The following FLG variants were observed in gnomAD, a reference collection of about 807,000 sequenced individuals.
FLG encodes the protein filaggrin.
FLG carries 6 observed loss-of-function variants against 3.8 expected under a neutral mutation model. That is an observed-to-expected ratio of 1.60 (90% confidence interval 0.87 to 3.15). FLG has a LOEUF of 3.15. FLG is among the 30% of genes most tolerant of loss of function. FLG has a pLI of 0.00. For missense variants in FLG, 7,595 were observed against 5,050.9 expected (o/e 1.50, Z -15.27); for synonymous variants, 2,551 against 1,931.6 (o/e 1.32, Z -8.41).
rs779648267 is a variant in FLG, at chr1:152,308,472, A to G, written c.6414T>C (p.Ile2138=). The change falls in exon 3 of 3, where the codon ATT becomes ATC. Residue 2138 remains isoleucine (I), a synonymous_variant. Coordinates refer to ENST00000368799, the MANE Select transcript of FLG (RefSeq NM_002016.2). ...CTCTGCTTGGCCCCGGGTGTCCACG[A>G]ATGGTGTCCTGACCCTCTTGGGATG... ...HSASQEGQDT[I]RGHPGPSRGG... The G allele has an allele frequency of 3.1e-5, 50 of 1,613,122 alleles. No homozygotes were observed. The highest frequency in any genetic ancestry group is 4.2e-5 in the Non-Finnish European group (50 of 1,179,542).
Position 152,312,777 on chromosome 1 carries a change from A to C in FLG, c.2109T>G (p.Ser703Arg). 1 of 1,613,852 alleles carries C rather than the reference A, an allele frequency of 6.2e-7. No homozygotes were observed. The highest frequency in any genetic ancestry group is 1.1e-5 in the South Asian group (1 of 91,058). ...GGCGGGATCCATGTCTTTCTCCTGC[A>C]CTTGATCTTGCCTGTTCATGGGATG... The part of the protein sequence containing the change: ...AASSHEQARS[S>R]AGERHGSRHQ... The change falls in exon 3 of 3, where the codon AGT becomes AGG. Residue 703 changes from serine to arginine, a missense_variant. Ser to Arg is a moderately radical substitution (Grantham distance 110, BLOSUM62 -1). Transcript: ENST00000368799.
At position 152,314,374 on chromosome 1, in the gene FLG, T is replaced by C. The variant is rs1186667996; in HGVS notation, c.512A>G (p.Glu171Gly). 1 of 1,612,726 alleles carries C rather than the reference T, an allele frequency of 6.2e-7. No individual in the cohort carries two copies. Among genetic ancestry groups the C allele is most frequent in the Admixed American group, 1.7e-5 (1 of 59,980 alleles). Residue 171 changes from glutamate (E) to glycine (G), a missense_variant, in exon 3 of 3, where the codon GAA becomes GGA. By Grantham distance (98) the Glu-to-Gly change is moderately conservative. Coordinates refer to ENST00000368799, the MANE Select transcript of FLG (RefSeq NM_002016.2). ...RKGYSPTHREEEYGKNHHNSS... is the reference protein window; with the variant it reads ...RKGYSPTHREGEYGKNHHNSS... ...GTTATGATGGTTTTTTCCATATTCT[T>C]CTTCTCTATGAGTAGGTGAATATCC...
rs77891119 is a variant in FLG at position 152,317,006 on chromosome 1, C to T, written c.-21-1529G>A. On this transcript the variant is annotated intron_variant, in intron 1 of 2. Transcript: ENST00000368799. ...ATTCTCCTAATATCTGATCTCCCAA[C>T]CTACTACATTTCTATCCATATACCT... Among the ~76,000 whole-genome samples, 216 of 152,194 alleles carry T rather than the reference C, an allele frequency of 1.4e-3. 7 individuals carry two copies. The East Asian group carries it at 0.029, about 20-fold the overall frequency.
rs781672763 is a variant in FLG at position 152,308,581 on chromosome 1, G to A, written c.6305C>T (p.Ser2102Phe). ...GCTGGGCGCAGACTGTCCATGGGTG[G>A]ACTCAGACTGTTCATGAGTGCTCAC... The part of the protein sequence containing the change: ...YQVSTHEQSE[S>F]THGQSAPSTG... Residue 2102 changes from serine to phenylalanine, a missense_variant, in exon 3 of 3, where the codon TCC becomes TTC. Ser to Phe is a radical substitution (Grantham distance 155). Coordinates refer to ENST00000368799, the MANE Select transcript of FLG (RefSeq NM_002016.2). 1 of 1,614,062 alleles carries A rather than the reference G, an allele frequency of 6.2e-7. No homozygotes were observed. The highest frequency in any genetic ancestry group is 8.5e-7 in the Non-Finnish European group (1 of 1,179,998).
In FLG at chr1:152,304,022, C is replaced by T; in HGVS notation, c.10864G>A (p.Ala3622Thr). Residue 3622 changes from alanine to threonine, a missense_variant, in exon 3 of 3, where the codon GCA becomes ACA. Physicochemically the swap from Ala to Thr is moderately conservative, Grantham distance 58. Coordinates refer to ENST00000368799, the MANE Select transcript of FLG (RefSeq NM_002016.2). The part of the protein sequence containing the change: ...ASSHEQARSS[A>T]GERHGSHHQQ... ...TGGTGGGATCCATGTCTCTCTCCTG[C>T]ACTTGATCTTGCCTGTTCATGGGAT... 6.2e-7 allele frequency: 1 copy of T among 1,613,822 alleles called. No individual in the cohort carries two copies. Among genetic ancestry groups the T allele is most frequent in the Non-Finnish European group, 8.5e-7 (1 of 1,179,952 alleles).
Position 152,311,607 on chromosome 1 carries a change from C to T in FLG, c.3279G>A (p.Gly1093=). 2 of 1,614,058 alleles carry T rather than the reference C, an allele frequency of 1.2e-6. No individual in the cohort carries two copies. The highest frequency in any genetic ancestry group is 1.3e-5 in the African/African-American group (1 of 74,998). ...TQSVSGHGQD[G]PHQQSHQESA... ...ACTCTTGGTGGCTCTGCTGATGGGG[C>T]CCATCCTGTCCATGGCCTGACACTG... Residue 1093 remains glycine (G), a synonymous_variant, in exon 3 of 3, where the codon GGG becomes GGA. Transcript: ENST00000368799.
In FLG at chr1:152,308,944, T is replaced by C. The variant is rs1419599283; in HGVS notation, c.5942A>G (p.His1981Arg). ...CTGTCCACGAGAGGAAGACTCTGTG[T>C]GACGAGTGCCTGATTGTCTGGAGCT... Reference protein sequence around the residue: ...ADSSRQSGTRHTESSSRGQAA... With the variant: ...ADSSRQSGTRRTESSSRGQAA... Residue 1981 changes from histidine to arginine, a missense_variant, in exon 3 of 3, where the codon CAC becomes CGC. By Grantham distance (29) the His-to-Arg change is conservative. Coordinates refer to ENST00000368799, the MANE Select transcript of FLG (RefSeq NM_002016.2). 2.5e-6 allele frequency: 4 copies of C among 1,614,064 alleles called. No homozygotes were observed. Among genetic ancestry groups the C allele is most frequent in the Admixed American group, 3.3e-5 (2 of 60,004 alleles).
rs770412732 is a variant in FLG at position 152,311,634 on chromosome 1, C to A, written c.3252G>T (p.Gln1084His). 35 of 1,614,140 alleles carry A rather than the reference C, an allele frequency of 2.2e-5. No homozygotes were observed. Among genetic ancestry groups the A allele is most frequent in the Non-Finnish European group, 2.9e-5 (34 of 1,180,030 alleles). The change falls in exon 3 of 3, where the codon CAG becomes CAT. Residue 1084 changes from glutamine (Q) to histidine (H), a missense_variant. Gln to His is a conservative substitution (Grantham distance 24). Coordinates refer to ENST00000368799, the MANE Select transcript of FLG (RefSeq NM_002016.2). Reference protein sequence around the residue: ...SEGHSEESDTQSVSGHGQDGP... With the variant: ...SEGHSEESDTHSVSGHGQDGP... ...CATCCTGTCCATGGCCTGACACTGA[C>A]TGTGTGTCTGACTCCTCTGAATGTC...
At chr1:152,315,189 C>A (rs556671301) in intron 2 of FLG, 130 bp downstream of exon 2, 47 of 923,780 alleles carry the variant, frequency 5.1e-5, no homozygotes, top group Admixed American at 2.4e-4. Flanking sequence ...AAATCTATCT[C>A]TTTTGAGACA....
At position 152,305,368 on chromosome 1, in the gene FLG, T is replaced by A. The variant is rs762184940; in HGVS notation, c.9518A>T (p.Asp3173Val). The A allele has an allele frequency of 5.6e-6, 9 of 1,608,526 alleles. No individual in the cohort carries two copies. The South Asian group carries it at 8.9e-5, about 16-fold the overall frequency. ...ACGTGACACTGAGTGCCTGGAGCTG[T>A]CTCCTGATTGTTCCTCATTACGTGT... is the stretch of plus-strand genomic sequence containing the variant. ...RTTRNEEQSG[D>V]SSRHSVSRHH... The change falls in exon 3 of 3, where the codon GAC becomes GTC. Residue 3173 changes from aspartate to valine, a missense_variant. By Grantham distance (152) the Asp-to-Val change is radical. Transcript: ENST00000368799.
At chr1:152,323,987 G>C (rs574859613) in intron 1 of FLG, among the ~76,000 whole-genome samples, 6 of 151,804 alleles carry the variant, frequency 4.0e-5, no homozygotes, top group Admixed American at 3.3e-4. Flanking sequence ...TAATGGCAGA[G>C]AGGGGGATAA....
In FLG at chr1:152,308,378, G is replaced by A. The variant is rs1460746308; in HGVS notation, c.6508C>T (p.His2170Tyr). ...RSGHSGSHHSHTTSQGRSDAS... is the reference protein window; with the variant it reads ...RSGHSGSHHSYTTSQGRSDAS... ...TCAGACCTTCCCTGGGATGTGGTGT[G>A]GCTGTGATGAGACCCTGAGTGTCCA... Residue 2170 changes from histidine (H) to tyrosine (Y), a missense_variant, in exon 3 of 3, where the codon CAC becomes TAC. His to Tyr is a moderately conservative substitution (Grantham distance 83, BLOSUM62 2). Transcript: ENST00000368799. The A allele has an allele frequency of 1.2e-6, 2 of 1,613,562 alleles. No homozygotes were observed. The highest frequency in any genetic ancestry group is 2.7e-5 in the African/African-American group (2 of 74,830).
At position 152,311,294 on chromosome 1, in the gene FLG, T is replaced by A. The variant is rs756249581; in HGVS notation, c.3592A>T (p.Thr1198Ser). 6.2e-7 allele frequency: 1 copy of A among 1,613,798 alleles called. No individual in the cohort carries two copies. Among genetic ancestry groups the A allele is most frequent in the East Asian group, 2.2e-5 (1 of 44,828 alleles). Residue 1198 changes from threonine (T) to serine (S), a missense_variant, in exon 3 of 3, where the codon ACC becomes TCC. Coordinates refer to ENST00000368799, the MANE Select transcript of FLG (RefSeq NM_002016.2). ...GCATCAGACCTTCCCTGGGATGTGG[T>A]GTGGCTGTGATGGGACCCTGAGTGT... ...SGHSGSHHSH[T>S]TSQGRSDASH...
Position 152,315,390 on chromosome 1 carries a change from T to C in FLG, c.67A>G (p.Lys23Glu). 1 of 1,612,474 alleles carries C rather than the reference T, an allele frequency of 6.2e-7. No homozygotes were observed. Among genetic ancestry groups the C allele is most frequent in the South Asian group, 1.1e-5 (1 of 90,776 alleles). ...TTTTTACTCAATGTGTCAGTGTTTTTATCTTTTTTTGAATATTGCTTGAAA... is the reference window on the plus strand; with the variant it reads ...TTTTTACTCAATGTGTCAGTGTTTTCATCTTTTTTTGAATATTGCTTGAAA... Reference protein sequence around the residue: ...NLFKQYSKKDKNTDTLSKKEL... With the variant: ...NLFKQYSKKDENTDTLSKKEL... The change falls in exon 2 of 3, where the codon AAA becomes GAA. Residue 23 changes from lysine to glutamate, a missense_variant. Coordinates refer to ENST00000368799, the MANE Select transcript of FLG (RefSeq NM_002016.2).
chr1:152,309,959 G>C lies in FLG; in HGVS notation c.4927C>G (p.His1643Asp), dbSNP rs560229190. 3 of 1,614,094 alleles carry C rather than the reference G, an allele frequency of 1.9e-6. No homozygotes were observed. The highest frequency in any genetic ancestry group is 2.5e-6 in the Non-Finnish European group (3 of 1,180,012). The change falls in exon 3 of 3, where the codon CAT becomes GAT. Residue 1643 changes from histidine to aspartate, a missense_variant. By Grantham distance (81) the His-to-Asp change is moderately conservative. Transcript: ENST00000368799. ...PRSHQEDRAS[H>D]GHSAESSRQS... The stretch of plus-strand genomic sequence containing the variant: ...CTGGAGCTCTCTGCAGAGTGCCCAT[G>C]ACTGGCTCTATCTTCTTGATGGGAC...
In FLG at chr1:152,305,272, G is replaced by A; in HGVS notation, c.9614C>T (p.Ser3205Phe). The change falls in exon 3 of 3, where the codon TCC (serine) becomes TTC (phenylalanine). Residue 3205 changes from serine (S) to phenylalanine (F), a missense_variant. Ser to Phe is a radical substitution (Grantham distance 155). Transcript: ENST00000368799. ...SQAVQGQSEG[S>F]RRSRRQGSSV... ...GGATCCCTGGCGCCTGCTTCTCCTG[G>A]ACCCCTCTGATTGTCCCTGGACTGC... 6.2e-7 allele frequency: 1 copy of A among 1,612,020 alleles called. No homozygotes were observed. The highest frequency in any genetic ancestry group is 8.5e-7 in the Non-Finnish European group (1 of 1,179,696).
Position 152,311,761 on chromosome 1 carries a change from T to A in FLG, c.3125A>T (p.Asp1042Val). The change falls in exon 3 of 3, where the codon GAC becomes GTC. Residue 1042 changes from aspartate (D) to valine (V), a missense_variant. Physicochemically the swap from Asp to Val is radical, Grantham distance 152. Transcript: ENST00000368799. ...CGGAATGCCTGAGTGTCTGGAGCTG[T>A]CTGCTGACTGCTGGTGGCGGGATCC... ...RHGSRHQQSADSSRHSGIPRR... is the reference protein window; with the variant it reads ...RHGSRHQQSAVSSRHSGIPRR... The A allele has an allele frequency of 1.2e-6, 2 of 1,614,146 alleles. No individual in the cohort carries two copies. Among genetic ancestry groups the A allele is most frequent in the Non-Finnish European group, 8.5e-7 (1 of 1,180,018 alleles).
Position 152,314,610 on chromosome 1 carries a change from C to G in FLG, c.276G>C (p.Glu92Asp), listed in dbSNP as rs1652708246. Reference protein sequence around the residue: ...AQAYYESTRKENLPISGHKHR... With the variant: ...AQAYYESTRKDNLPISGHKHR... ...GCTTGTGTCCTGATATCGGTAAATT[C>G]TCTTTTCTGGTAGACTCATAATATG... is the stretch of plus-strand genomic sequence containing the variant. Residue 92 changes from glutamate (E) to aspartate (D), a missense_variant, in exon 3 of 3, where the codon GAG (glutamate) becomes GAC (aspartate). Physicochemically the swap from Glu to Asp is conservative, Grantham distance 45 (BLOSUM62 2). Transcript: ENST00000368799. 4 of 1,613,800 alleles carry G rather than the reference C, an allele frequency of 2.5e-6. No homozygotes were observed. Among genetic ancestry groups the G allele is most frequent in the Non-Finnish European group, 3.4e-6 (4 of 1,179,952 alleles).
chr1:152,325,204 A>G lies in FLG; in HGVS notation c.-37T>C, dbSNP rs1653109771. On this transcript the variant is annotated 5_prime_UTR_variant, in exon 1 of 3. Coordinates refer to ENST00000368799, the MANE Select transcript of FLG (RefSeq NM_002016.2). ...TCCTTCTTACCTTGTTCACCAAAAGAGCAAATAGAATGTAGCCTGAAGGAG... is the reference window on the plus strand; with the variant it reads ...TCCTTCTTACCTTGTTCACCAAAAGGGCAAATAGAATGTAGCCTGAAGGAG... The G allele has an allele frequency of 6.6e-6, 1 of 151,914 alleles. No homozygotes were observed. The highest frequency in any genetic ancestry group is 2.4e-5 in the African/African-American group (1 of 41,394). 9.4% of individuals were successfully genotyped at this position (151,914 alleles called of 1,614,324 possible).
Sources: gnomAD v4.1 joint callset for allele counts (sites outside exome capture counted in the v4.1 genomes callset) on GRCh38, gnomAD v4.1.1 for gene constraint, MANE v1.5 for transcripts, NCBI Gene and HGNC (gene_info 2026-07-23, HGNC 2026-07-21) for gene names.